AK4: variants seen among roughly 807,000 people sequenced by gnomAD.
The protein encoded by AK4 is adenylate kinase 4, mitochondrial.
In AK4, 13 loss-of-function variants were observed where a neutral mutation model predicts 24.6. That is an observed-to-expected ratio of 0.53 (90% CI 0.34 to 0.84). The LOEUF is 0.84. Among genes scored for constraint, AK4 ranks in the 40% least tolerant of loss-of-function variants. AK4 has a pLI of 0.01. For synonymous variants in AK4, 88 were observed against 107.0 expected, an observed-to-expected ratio of 0.82 and a Z score of 1.10; for missense variants, 192 against 288.2, an observed-to-expected ratio of 0.67 and a Z score of 2.42.
At chr1:65,156,619 T>G (rs1227144524) in intron 1 of AK4, among the ~76,000 whole-genome samples, 2 of 152,178 alleles carry the variant, frequency 1.3e-5, no homozygotes, top group African/African-American at 4.8e-5. Context: ...TTAAATGGAT[T>G]TGAAATTAAA....
At chr1:65,212,386 T>C (rs1240884662) in intron 2 of AK4, among the ~76,000 whole-genome samples, 2 of 152,010 alleles carry the variant, frequency 1.3e-5, no homozygotes, top group Non-Finnish European at 2.9e-5. Context: ...AACCTCTGCC[T>C]CCTGGGCTCA....
intron 2 of AK4, among the ~76,000 whole-genome samples, 181 bp from the exon 3 acceptor site, chr1:65,218,573 G>C (rs1469556588): frequency 1.3e-5 from 2 of 152,176 alleles, no homozygotes; most frequent in Non-Finnish European, 2.9e-5. Context: ...GTGCAGGTTT[G>C]TGACATGGAT....
At chr1:65,197,382 G>T (rs192670704) in intron 2 of AK4, among the ~76,000 whole-genome samples, 14 of 152,210 alleles carry the variant, frequency 9.2e-5, no homozygotes, top group Admixed American at 7.2e-4. Flanking sequence ...TCAAAGTTTG[G>T]TTTTGTAGAA....
chr1:65,196,624 C>G (rs1438868021), intron 2 of AK4, among the ~76,000 whole-genome samples: 1 of 152,102 alleles, frequency 6.6e-6, no homozygotes, highest in African/African-American at 2.4e-5. Flanking sequence ...ACCACCATGC[C>G]TGGCTAATTT....
At chr1:65,190,353 C>T (rs1651260427) in intron 1 of AK4, among the ~76,000 whole-genome samples, 1 of 149,956 alleles carries the variant, frequency 6.7e-6, no homozygotes, top group Non-Finnish European at 1.5e-5. Flanking sequence ...AGTGCAAACT[C>T]CTGGGCTTAA....
chr1:65,167,491 G>T (rs1650370093), intron 1 of AK4, among the ~76,000 whole-genome samples: 1 of 145,962 alleles, frequency 6.9e-6, no homozygotes, highest in African/African-American at 2.5e-5. Context: ...TATTACTTTA[G>T]TGGCTTAGTT....
chr1:65,190,633 G>A, intron 1 of AK4, 77 bp from the exon 2 acceptor site: 12 of 1,528,990 alleles, frequency 7.8e-6, no homozygotes, highest in Non-Finnish European at 1.1e-5. Context: ...ATGGAGAGAA[G>A]GCAAAACTAA....
chr1:65,155,788 G>C (rs1444512456), intron 1 of AK4, among the ~76,000 whole-genome samples: 1 of 151,944 alleles, frequency 6.6e-6, no homozygotes, highest in Non-Finnish European at 1.5e-5. Flanking sequence ...TCCTGCCTCA[G>C]CCTCCCAAGT....
intron 1 of AK4, among the ~76,000 whole-genome samples, chr1:65,186,467 A>T (rs746883921): frequency 1.3e-5 from 2 of 150,404 alleles, no homozygotes; most frequent in Non-Finnish European, 3.0e-5. Context: ...TATATGCCAG[A>T]CTATATTTTA....
chr1:65,215,325 C>T (rs1175205498), intron 2 of AK4, among the ~76,000 whole-genome samples: 1 of 152,106 alleles, frequency 6.6e-6, no homozygotes, highest in Non-Finnish European at 1.5e-5. Context: ...GCGCCTGCCA[C>T]CATGCCCGGC....
intron 2 of AK4, among the ~76,000 whole-genome samples, chr1:65,207,227 C>A (rs1429757817): frequency 6.6e-6 from 1 of 152,022 alleles, no homozygotes; most frequent in Non-Finnish European, 1.5e-5. Context: ...TCCTCCCTAC[C>A]TCCCTTCTTG....
At chr1:65,172,062 AGTATATATAT>A (rs1650544259) in intron 1 of AK4, among the ~76,000 whole-genome samples, 1 of 29,912 alleles carries the variant, frequency 3.3e-5, no homozygotes, top group Non-Finnish European at 9.3e-5. Context: ...CTCCATCTCA[AGTATATATAT>A]ATATATATAT....
intron 2 of AK4, among the ~76,000 whole-genome samples, chr1:65,215,423 C>T (rs562398134): frequency 1.5e-4 from 23 of 152,170 alleles, no homozygotes; most frequent in South Asian, 2.1e-4. Flanking sequence ...TCACCCGCCT[C>T]GGCCTCCCAA....
At chr1:65,220,252 G>A (rs1326811530) in intron 3 of AK4, among the ~76,000 whole-genome samples, 1 of 152,212 alleles carries the variant, frequency 6.6e-6, no homozygotes, top group Non-Finnish European at 1.5e-5. Flanking sequence ...AAAGACCAAG[G>A]AGTGTAATTG....
At chr1:65,153,039 G>C (rs571901246) in intron 1 of AK4, among the ~76,000 whole-genome samples, 11 of 152,204 alleles carry the variant, frequency 7.2e-5, no homozygotes, top group African/African-American at 2.6e-4. Flanking sequence ...CCCCCTAGCT[G>C]GGTGAGACTC....
At chr1:65,199,482 G>A (rs1487945188) in intron 2 of AK4, among the ~76,000 whole-genome samples, 3 of 151,732 alleles carry the variant, frequency 2.0e-5, no homozygotes, top group Non-Finnish European at 4.4e-5. Flanking sequence ...CTGGGAGGCG[G>A]AGGTTGCAGT....
chr1:65,195,085 G>A (rs1651425665), intron 2 of AK4, among the ~76,000 whole-genome samples: 1 of 152,174 alleles, frequency 6.6e-6, no homozygotes, highest in African/African-American at 2.4e-5. Flanking sequence ...GCAGGGAAGA[G>A]TAAGACGATG....
intron 3 of AK4, among the ~76,000 whole-genome samples, chr1:65,222,877 A>G (rs898943949): frequency 2.6e-5 from 4 of 152,126 alleles, no homozygotes; most frequent in African/African-American, 9.7e-5. Context: ...TCTTGTGACT[A>G]TCTCCCCTGG....
chr1:65,190,901 C>A, intron 2 of AK4, 72 bp downstream of exon 2: 1 of 1,491,622 alleles, frequency 6.7e-7, no homozygotes, highest in Non-Finnish European at 9.0e-7. Context: ...CCCTTAACTT[C>A]TTACCGAATG....
Sources: allele counts gnomAD v4.1 joint callset (sites outside exome capture counted in the v4.1 genomes callset), GRCh38; gene constraint gnomAD v4.1.1; transcripts MANE v1.5; gene names NCBI Gene and HGNC (gene_info 2026-07-23, HGNC 2026-07-21).